PGAP4: variants seen among roughly 807,000 people sequenced by gnomAD.
PGAP4 encodes post-GPI attachment to proteins GalNAc transferase 4.
A neutral mutation model predicts 28.2 loss-of-function variants in PGAP4; 12 were observed. That is an observed-to-expected ratio of 0.42 (90% CI 0.27 to 0.69). The LOEUF is 0.69. PGAP4 is among the 30% of genes least tolerant of loss of function. PGAP4 has a pLI of 0.22. For missense variants in PGAP4, 425 were observed against 513.5 expected, an observed-to-expected ratio of 0.83 and a Z score of 1.67; for synonymous variants, 205 against 211.8, an observed-to-expected ratio of 0.97 and a Z score of 0.28.
intron 1 of PGAP4, among the ~76,000 whole-genome samples, chr9:101,485,857 G>A (rs971729579): frequency 6.6e-6 from 1 of 151,942 alleles, no homozygotes; most frequent in Non-Finnish European, 1.5e-5. Context: ...TTCTAATAAT[G>A]TTGATTTTCT....
At chr9:101,515,458 A>C (rs1044514867) in intron 2 of PGAP4, among the ~76,000 whole-genome samples, 1 of 152,216 alleles carries the variant, frequency 6.6e-6, no homozygotes, top group Non-Finnish European at 1.5e-5. Context: ...GAAAACTTGG[A>C]ATCCAGAATT....
At chr9:101,496,898 A>G (rs1422076417) in intron 2 of PGAP4, among the ~76,000 whole-genome samples, 1 of 150,576 alleles carries the variant, frequency 6.6e-6, no homozygotes, top group Admixed American at 6.6e-5. Context: ...TTCAAATTAG[A>G]CAAAATTATT....
intron 2 of PGAP4, among the ~76,000 whole-genome samples, chr9:101,506,270 C>T (rs7846963): frequency 8.5e-4 from 129 of 152,208 alleles, no homozygotes; most frequent in African/African-American, 2.9e-3. Flanking sequence ...GGACATCTCA[C>T]CCAATTTTGG....
chr9:101,528,290 G>A (rs1170342737), intron 2 of PGAP4, among the ~76,000 whole-genome samples: 2 of 152,132 alleles, frequency 1.3e-5, no homozygotes, highest in Non-Finnish European at 2.9e-5. Flanking sequence ...CACCTTGCTT[G>A]TATGGGGAGG....
chr9:101,507,977 C>G (rs73657957), intron 2 of PGAP4, among the ~76,000 whole-genome samples: 1,896 of 152,234 alleles, frequency 0.012, 31 homozygotes, highest in African/African-American at 0.043. Flanking sequence ...GTTTAATCCT[C>G]ATTTGAAATG....
chr9:101,492,602 GT>G (rs922042562), intron 2 of PGAP4, among the ~76,000 whole-genome samples: 2 of 151,690 alleles, frequency 1.3e-5, no homozygotes, highest in South Asian at 4.2e-4. Context: ...AGATTGTTGG[GT>G]TTTTTTTCTA....
In PGAP4 at chr9:101,504,345, A is replaced by G. The variant is rs575730603; in HGVS notation, c.-164-15145T>C. Among the ~76,000 whole-genome samples the G allele has an allele frequency of 2.7e-5, 4 of 150,306 alleles. No individual in the cohort carries two copies. In the East Asian group the frequency reaches 6.1e-4, roughly 23 times the overall value. On this transcript the variant is annotated intron_variant, in intron 2 of 3. Transcript: ENST00000374851. ...TTCAGTGGAGTTTCCCTGTATTTGTAGGTGGGATGCTGCCTGGTTCATGAG... is the reference window on the plus strand; with the variant it reads ...TTCAGTGGAGTTTCCCTGTATTTGTGGGTGGGATGCTGCCTGGTTCATGAG...
intron 2 of PGAP4, among the ~76,000 whole-genome samples, chr9:101,497,369 C>G (rs921191972): frequency 1.3e-5 from 2 of 151,462 alleles, no homozygotes; most frequent in African/African-American, 4.8e-5. Context: ...AGGTATTCAC[C>G]TAAGTGAGAA....
chr9:101,489,769 G>A (rs1042337376), upstream of PGAP4, among the ~76,000 whole-genome samples: 1 of 152,126 alleles, frequency 6.6e-6, no homozygotes, highest in African/African-American at 2.4e-5. Flanking sequence ...GGATGACCAG[G>A]AGGCATAAAC....
chr9:101,487,542 G>T (rs1826644540), upstream of PGAP4, among the ~76,000 whole-genome samples: 1 of 152,152 alleles, frequency 6.6e-6, no homozygotes, highest in Non-Finnish European at 1.5e-5. Flanking sequence ...ATAGGAAAAA[G>T]ATACGGAATG....
intron 1 of PGAP4, among the ~76,000 whole-genome samples, chr9:101,478,467 C>T (rs1482744737): frequency 6.6e-6 from 1 of 152,194 alleles, no homozygotes; most frequent in East Asian, 1.9e-4. Flanking sequence ...GCCCAGGAAC[C>T]ATACGAGGCT....
intron 2 of PGAP4, among the ~76,000 whole-genome samples, chr9:101,520,923 A>C (rs567456625): frequency 6.6e-6 from 1 of 152,294 alleles, no homozygotes; most frequent in East Asian, 1.9e-4. Context: ...GGTTTTGGTC[A>C]TAAAGGGATC....
chr9:101,495,882 A>G (rs1039990506), intron 2 of PGAP4, among the ~76,000 whole-genome samples: 4 of 151,326 alleles, frequency 2.6e-5, no homozygotes, highest in African/African-American at 9.7e-5. Flanking sequence ...CCATAGTGTG[A>G]TTACGTTTCC....
At chr9:101,530,885 TTTTGTTTGTTTG>T (rs143696837) in intron 2 of PGAP4, among the ~76,000 whole-genome samples, 2 of 152,238 alleles carry the variant, frequency 1.3e-5, no homozygotes, top group South Asian at 2.1e-4. Flanking sequence ...GTGAAGGTGT[TTTTGTTTGTTTG>T]TTTGTTTGTT....
chr9:101,492,381 A>T (rs187248403), intron 2 of PGAP4, among the ~76,000 whole-genome samples: 1 of 152,078 alleles, frequency 6.6e-6, no homozygotes, highest in African/African-American at 2.4e-5. Flanking sequence ...TTTAGTAGAG[A>T]CCAGGTTTCA....
exon 1 of PGAP4, chr9:101,533,008 T>C (rs1827119352): frequency 6.6e-6 from 1 of 152,204 alleles, no homozygotes; most frequent in Non-Finnish European, 1.5e-5. Flanking sequence ...ACATACAGCT[T>C]TTCATTAATA....
chr9:101,507,672 C>G (rs1402179080), intron 2 of PGAP4, among the ~76,000 whole-genome samples: 1 of 152,090 alleles, frequency 6.6e-6, no homozygotes, highest in Non-Finnish European at 1.5e-5. Context: ...AACCTTCCAC[C>G]CTGTTTGTGC....
At chr9:101,491,709 C>A (rs1214032631), upstream of PGAP4, among the ~76,000 whole-genome samples, 1 of 147,614 alleles carries the variant, frequency 6.8e-6, no homozygotes, top group Non-Finnish European at 1.5e-5. Flanking sequence ...TAATTTTATT[C>A]TTTTAATATA....
chr9:101,519,310 G>C (rs1384370152), intron 2 of PGAP4, among the ~76,000 whole-genome samples: 1 of 151,976 alleles, frequency 6.6e-6, no homozygotes, highest in East Asian at 1.9e-4. Flanking sequence ...GGTGCACACT[G>C]CCATGCCCAG....
Sources: gnomAD v4.1 joint callset for allele counts (sites outside exome capture counted in the v4.1 genomes callset) on GRCh38, gnomAD v4.1.1 for gene constraint, MANE v1.5 for transcripts, NCBI Gene and HGNC (gene_info 2026-07-23, HGNC 2026-07-21) for gene names.